MRPS28: variants seen among roughly 807,000 people sequenced by gnomAD.
MRPS28 encodes small ribosomal subunit protein bS1m.
Under a neutral mutation model 10.8 loss-of-function variants are expected in MRPS28, and 7 were observed. That is an observed-to-expected ratio of 0.65 (90% CI 0.37 to 1.22). MRPS28 has a LOEUF of 1.22. MRPS28 is among the 50% of genes most tolerant of loss of function. The pLI is 0.02. For synonymous variants in MRPS28, 121 were observed against 93.3 expected (o/e 1.30, Z -1.71); for missense variants, 265 against 232.9 (o/e 1.14, Z -0.90).
chr8:79,955,672 A>T (rs1807187805), intron 2 of MRPS28, among the ~76,000 whole-genome samples: 1 of 152,326 alleles, frequency 6.6e-6, no homozygotes, highest in East Asian at 1.9e-4. Context: ...GGTACTTCAT[A>T]AAATCTGTGC....
chr8:79,928,348 A>ATT, intron 2 of MRPS28, among the ~76,000 whole-genome samples: 1 of 152,018 alleles, frequency 6.6e-6, no homozygotes, highest in Non-Finnish European at 1.5e-5. Flanking sequence ...ATTAAATTAA[A>ATT]AACAAAAAGA....
rs1418983601 is a variant in MRPS28, at chr8:80,030,092, C to A, written c.157G>T (p.Ala53Ser). ...KEPKTRAGGF[A>S]SALERHSELL... The stretch of plus-strand genomic sequence containing the variant: ...TCCGAGTGCCGCTCCAACGCGCTCG[C>A]GAAACCGCCTGCGCGCGTCTTAGGC... The change falls in exon 1 of 3, where the codon GCG becomes TCG. Residue 53 changes from alanine to serine, a missense_variant. Physicochemically the swap from Ala to Ser is moderately conservative, Grantham distance 99. Transcript: ENST00000276585. The A allele has an allele frequency of 6.2e-7, 1 of 1,611,576 alleles. No individual in the cohort carries two copies. The highest frequency in any genetic ancestry group is 8.5e-7 in the Non-Finnish European group (1 of 1,179,824).
In MRPS28 at chr8:80,030,018, C is replaced by A. The variant is rs1400585447; in HGVS notation, c.213+18G>T. 6.2e-7 allele frequency: 1 copy of A among 1,610,526 alleles called. No homozygotes were observed. The highest frequency in any genetic ancestry group is 1.1e-5 in the South Asian group (1 of 90,796). On this transcript the variant is annotated intron_variant, in intron 1 of 2. Coordinates refer to ENST00000276585, the MANE Select transcript of MRPS28 (RefSeq NM_014018.3). The stretch of plus-strand genomic sequence containing the variant: ...TGGCGTAATTCCCGCGACTCCCTCT[C>A]ACCCGCCCGGGCTCCACCTTCTGTA...
Position 80,030,045 on chromosome 8 carries a change from G to C in MRPS28, c.204C>G (p.Pro68=), listed in dbSNP as rs754085499. Residue 68 remains proline (P), a synonymous_variant, in exon 1 of 3, where the codon CCC becomes CCG. Coordinates refer to ENST00000276585, the MANE Select transcript of MRPS28 (RefSeq NM_014018.3). ...CCCGCCCGGGCTCCACCTTCTGTAG[G>C]GGCTCCACCTTCTGTAGAAGCTCCG... The part of the protein sequence containing the change: ...RHSELLQKVE[P]LQKGSPKNVE... 3 of 1,613,360 alleles carry C rather than the reference G, an allele frequency of 1.9e-6. No individual in the cohort carries two copies. The highest frequency in any genetic ancestry group is 1.3e-5 in the African/African-American group (1 of 75,004).
chr8:80,020,383 C>T (rs191302828), intron 1 of MRPS28, among the ~76,000 whole-genome samples: 70 of 152,268 alleles, frequency 4.6e-4, no homozygotes, highest in Middle Eastern at 3.4e-3. Flanking sequence ...AACTTTGGAA[C>T]GCCCTTGGCT....
intron 2 of MRPS28, among the ~76,000 whole-genome samples, chr8:79,939,032 A>C (rs1806685465): frequency 6.6e-6 from 1 of 152,228 alleles, no homozygotes; most frequent in South Asian, 2.1e-4. Context: ...ATGCACTAGC[A>C]ATCAGTTTCA....
chr8:79,984,342 G>A (rs1305790488), intron 2 of MRPS28, among the ~76,000 whole-genome samples: 6 of 152,260 alleles, frequency 3.9e-5, no homozygotes, highest in East Asian at 1.9e-4. Flanking sequence ...AAAGACCATC[G>A]AGGCTAGGAA....
chr8:80,003,886 T>C (rs1563539662), intron 1 of MRPS28, among the ~76,000 whole-genome samples: 1 of 152,322 alleles, frequency 6.6e-6, no homozygotes, highest in East Asian at 1.9e-4. Flanking sequence ...GCCTCGCTCA[T>C]TGCTAGCACA....
chr8:79,980,730 C>A (rs968779821), intron 2 of MRPS28, among the ~76,000 whole-genome samples: 5 of 152,184 alleles, frequency 3.3e-5, no homozygotes, highest in Admixed American at 3.3e-4. Flanking sequence ...TTATTGTGAA[C>A]TTATACTCTG....
chr8:79,931,888 T>C (rs1806471275), intron 2 of MRPS28, among the ~76,000 whole-genome samples: 1 of 152,246 alleles, frequency 6.6e-6, no homozygotes, highest in South Asian at 2.1e-4. Context: ...TAAAGGCTTC[T>C]AATCTACTGG....
At chr8:79,920,347 A>C (rs1810056111) in intron 2 of MRPS28, among the ~76,000 whole-genome samples, 1 of 152,140 alleles carries the variant, frequency 6.6e-6, no homozygotes, top group Non-Finnish European at 1.5e-5. Flanking sequence ...CTAGTTCTAG[A>C]TCCTTGAGGA....
At chr8:80,026,765 T>C (rs1165451847) in intron 1 of MRPS28, among the ~76,000 whole-genome samples, 1 of 152,228 alleles carries the variant, frequency 6.6e-6, no homozygotes, top group Admixed American at 6.5e-5. Context: ...GGCATGTGCA[T>C]GGTTGTTTTC....
At chr8:79,998,813 C>T (rs1563538210) in intron 2 of MRPS28, among the ~76,000 whole-genome samples, 3 of 152,118 alleles carry the variant, frequency 2.0e-5, no homozygotes, top group African/African-American at 4.8e-5. Flanking sequence ...ACTTAAAAGG[C>T]TATTATTTAG....
chr8:79,947,341 T>C (rs1354227883), intron 2 of MRPS28, among the ~76,000 whole-genome samples: 6 of 152,228 alleles, frequency 3.9e-5, no homozygotes, highest in East Asian at 1.9e-4. Context: ...AATTTTACAA[T>C]ATGTATTGAA....
intron 2 of MRPS28, among the ~76,000 whole-genome samples, chr8:79,924,406 T>C (rs1810178451): frequency 6.6e-6 from 1 of 152,152 alleles, no homozygotes; most frequent in Non-Finnish European, 1.5e-5. Flanking sequence ...TACCAATCTA[T>C]ATGTGAAGTC....
rs78005405 is a variant in MRPS28 at position 79,942,473 on chromosome 8, T to A, written c.396-23325A>T. ...TGAGTCTCAAAATCTCAGAATTTTATCCCCAAATTTCTGACTAAATGACCC... is the reference window on the plus strand; with the variant it reads ...TGAGTCTCAAAATCTCAGAATTTTAACCCCAAATTTCTGACTAAATGACCC... On this transcript the variant is annotated intron_variant, in intron 2 of 2. Coordinates refer to ENST00000276585, the MANE Select transcript of MRPS28 (RefSeq NM_014018.3). 4.6e-5 allele frequency among the ~76,000 whole-genome samples: 7 copies of A among 152,318 alleles called. No individual in the cohort carries two copies. In the East Asian group the frequency reaches 9.6e-4, roughly 21 times the overall value.
chr8:80,000,390 C>T (rs1746726657), intron 2 of MRPS28, among the ~76,000 whole-genome samples: 10 of 152,112 alleles, frequency 6.6e-5, no homozygotes, highest in Admixed American at 6.5e-4. Context: ...ATATAACTCT[C>T]CTAAGTACCT....
intron 1 of MRPS28, 47 bp from the exon 2 acceptor site, chr8:80,003,227 G>T (rs1808711632): frequency 1.6e-6 from 2 of 1,270,850 alleles, no homozygotes; most frequent in South Asian, 2.4e-5. Context: ...CAACATGAAG[G>T]TATAATAAAG....
chr8:79,987,985 C>T (rs144925703), intron 2 of MRPS28, among the ~76,000 whole-genome samples: 2,482 of 152,146 alleles, frequency 0.016, 73 homozygotes, highest in African/African-American at 0.056. Context: ...ATGTTTACTG[C>T]GGCTCTATTC....
Sources: gnomAD v4.1 joint callset for allele counts (sites outside exome capture counted in the v4.1 genomes callset) on GRCh38, gnomAD v4.1.1 for gene constraint, MANE v1.5 for transcripts, NCBI Gene and HGNC (gene_info 2026-07-23, HGNC 2026-07-21) for gene names.